The following GRM8 variants were observed in gnomAD, a reference collection of about 807,000 sequenced individuals.
GRM8 encodes metabotropic glutamate receptor 8.
A neutral mutation model predicts 87.2 loss-of-function variants in GRM8; 47 were observed. The ratio of observed to expected loss-of-function variants is 0.54; its 90% CI spans 0.43 to 0.69. GRM8 has a LOEUF of 0.69. Ranked by LOEUF, GRM8 falls within the 30% of genes least tolerant of loss-of-function variation. The pLI is 0.00. For missense variants in GRM8, 1,019 were observed against 1,139.2 expected, an observed-to-expected ratio of 0.89 and a Z score of 1.52; for synonymous variants, 396 against 404.5, an observed-to-expected ratio of 0.98 and a Z score of 0.25.
rs558784440 is a variant in GRM8 at position 126,623,508 on chromosome 7, G to C, written c.1358-14010C>G. On this transcript the variant is annotated intron_variant, in intron 7 of 10. Transcript: ENST00000339582. Reference sequence around the variant, plus strand: ...CAACTGCTCAACACCCACATGGTTAGTGCTGACCAGATTAAAACAACACAG... The same window carrying C: ...CAACTGCTCAACACCCACATGGTTACTGCTGACCAGATTAAAACAACACAG... Among the ~76,000 whole-genome samples the C allele has an allele frequency of 7.9e-5, 12 of 152,262 alleles. No homozygotes were observed. The South Asian group carries it at 2.3e-3, about 29-fold the overall frequency.
At chr7:127,022,365 A>G (rs989056431) in intron 3 of GRM8, among the ~76,000 whole-genome samples, 10 of 152,084 alleles carry the variant, frequency 6.6e-5, no homozygotes, top group African/African-American at 1.9e-4. Context: ...TTAAATATAT[A>G]AATCAGTTTC....
intron 6 of GRM8, among the ~76,000 whole-genome samples, chr7:126,848,792 G>T (rs1329941272): frequency 2.0e-5 from 3 of 152,194 alleles, no homozygotes; most frequent in Non-Finnish European, 2.9e-5. Context: ...CTGTACTCCA[G>T]CCTGGGCAAC....
At chr7:126,475,234 T>G (rs1185201455) in intron 9 of GRM8, among the ~76,000 whole-genome samples, 1 of 152,036 alleles carries the variant, frequency 6.6e-6, no homozygotes, top group African/African-American at 2.4e-5. Context: ...CAGGAAAATC[T>G]AAAAACTATG....
At chr7:126,698,238 T>C (rs991790377) in intron 7 of GRM8, among the ~76,000 whole-genome samples, 9 of 152,154 alleles carry the variant, frequency 5.9e-5, no homozygotes, top group Admixed American at 3.3e-4. Flanking sequence ...GTTGTTCTTC[T>C]TCTACAGTAA....
chr7:127,153,057 T>C (rs575240247), intron 2 of GRM8, among the ~76,000 whole-genome samples: 1 of 152,108 alleles, frequency 6.6e-6, no homozygotes, highest in African/African-American at 2.4e-5. Flanking sequence ...CACAAGACCA[T>C]AACCCAATTA....
intron 7 of GRM8, among the ~76,000 whole-genome samples, chr7:126,692,376 A>C (rs1563096748): frequency 6.6e-6 from 1 of 152,208 alleles, no homozygotes; most frequent in Non-Finnish European, 1.5e-5. Context: ...ATGATGAGGA[A>C]ATGCCTGAGG....
At chr7:126,805,247 G>T (rs1166617133) in intron 6 of GRM8, among the ~76,000 whole-genome samples, 1 of 152,084 alleles carries the variant, frequency 6.6e-6, no homozygotes, top group Non-Finnish European at 1.5e-5. Context: ...AGCCAAAAAT[G>T]ATCCCCCAAA....
At chr7:127,223,341 A>C (rs1229502846) in intron 2 of GRM8, among the ~76,000 whole-genome samples, 4 of 152,098 alleles carry the variant, frequency 2.6e-5, no homozygotes, top group Admixed American at 1.3e-4. Context: ...TCTTTGTCCA[A>C]AGAACCAGGA....
chr7:126,528,031 C>T (rs535671745), intron 9 of GRM8, among the ~76,000 whole-genome samples: 1 of 152,242 alleles, frequency 6.6e-6, no homozygotes, highest in South Asian at 2.1e-4. Context: ...TGGTGAAACC[C>T]CGTCTCTATT....
chr7:126,609,444 T>C lies in GRM8; in HGVS notation c.1412A>G (p.Tyr471Cys), dbSNP rs1798691804. Residue 471 changes from tyrosine to cysteine, a missense_variant, in exon 8 of 11, where the codon TAT becomes TGT. Coordinates refer to ENST00000339582, the MANE Select transcript of GRM8 (RefSeq NM_000845.3). ...FNENGDAPGR[Y>C]DIFQYQITNK... ...GGTTATTTGATACTGGAAGATATCATAACGTCCAGGAGCATCTCCGTTTTC... is the reference window on the plus strand; with the variant it reads ...GGTTATTTGATACTGGAAGATATCACAACGTCCAGGAGCATCTCCGTTTTC... 17 of 1,611,734 alleles carry C rather than the reference T, an allele frequency of 1.1e-5. No individual in the cohort carries two copies. The highest frequency in any genetic ancestry group is 1.4e-5 in the Non-Finnish European group (17 of 1,177,830).
chr7:126,809,765 C>A (rs1793117931), intron 6 of GRM8, among the ~76,000 whole-genome samples: 1 of 152,128 alleles, frequency 6.6e-6, no homozygotes, highest in Non-Finnish European at 1.5e-5. Context: ...GAAGTCAATG[C>A]CTTTATACCT....
At chr7:126,702,001 C>A (rs1809987450) in intron 7 of GRM8, among the ~76,000 whole-genome samples, 1 of 152,112 alleles carries the variant, frequency 6.6e-6, no homozygotes, top group African/African-American at 2.4e-5. Flanking sequence ...TTGGTCACCC[C>A]AACTAAAAGG....
At chr7:126,661,308 C>T (rs933818132) in intron 7 of GRM8, among the ~76,000 whole-genome samples, 2 of 151,008 alleles carry the variant, frequency 1.3e-5, no homozygotes, top group Non-Finnish European at 2.9e-5. Context: ...CTACAATATA[C>T]CTACACAAAT....
chr7:126,680,143 G>A (rs1278468585), intron 7 of GRM8, among the ~76,000 whole-genome samples: 1 of 152,092 alleles, frequency 6.6e-6, no homozygotes, highest in Admixed American at 6.6e-5. Flanking sequence ...AGTCCTTATA[G>A]CATGAGTGGC....
intron 6 of GRM8, among the ~76,000 whole-genome samples, chr7:126,779,164 A>G (rs1210532844): frequency 6.6e-6 from 1 of 152,074 alleles, no homozygotes; most frequent in Non-Finnish European, 1.5e-5. Context: ...TATTTTTGCA[A>G]TTAATTCTTT....
intron 6 of GRM8, among the ~76,000 whole-genome samples, chr7:126,849,510 T>C (rs1210812671): frequency 1.3e-5 from 2 of 152,218 alleles, no homozygotes; most frequent in Non-Finnish European, 2.9e-5. Flanking sequence ...AATAAGTACA[T>C]GGAAAATGAA....
chr7:126,563,583 G>C (rs907923898), intron 8 of GRM8, among the ~76,000 whole-genome samples: 3 of 152,092 alleles, frequency 2.0e-5, no homozygotes, highest in Non-Finnish European at 4.4e-5. Context: ...TCATTTTTTA[G>C]GGAGAAAACT....
intron 8 of GRM8, among the ~76,000 whole-genome samples, chr7:126,552,806 C>T (rs1176710105): frequency 6.6e-6 from 1 of 152,012 alleles, no homozygotes; most frequent in African/African-American, 2.4e-5. Flanking sequence ...TTCTACATAA[C>T]TTGAAAGCCA....
chr7:126,892,115 A>T (rs1197762004), intron 6 of GRM8, among the ~76,000 whole-genome samples: 1 of 151,072 alleles, frequency 6.6e-6, no homozygotes, highest in Non-Finnish European at 1.5e-5. Flanking sequence ...TATTTGTATA[A>T]CTTTTTACAT....
Sources: allele counts gnomAD v4.1 joint callset (sites outside exome capture counted in the v4.1 genomes callset), GRCh38; gene constraint gnomAD v4.1.1; transcripts MANE v1.5; gene names NCBI Gene and HGNC (gene_info 2026-07-23, HGNC 2026-07-21).